HTR2C: variants seen among roughly 807,000 people sequenced by gnomAD.
HTR2C encodes 5-hydroxytryptamine receptor 2C, also known as 5-hydroxytryptamine (serotonin) receptor 2C, G protein-coupled.
Under a neutral mutation model 21.0 loss-of-function variants are expected in HTR2C, and 5 were observed. The ratio of observed to expected loss-of-function variants is 0.24; its 90% confidence interval spans 0.12 to 0.50. The LOEUF (loss-of-function observed/expected upper bound fraction) is 0.50. Among genes scored for constraint, HTR2C ranks in the 20% least tolerant of loss-of-function variants. The pLI is 0.98. For synonymous variants in HTR2C, 150 were observed against 145.3 expected, an observed-to-expected ratio of 1.03 and a Z score of -0.23; for missense variants, 271 against 371.2, an observed-to-expected ratio of 0.73 and a Z score of 2.22.
intron 2 of HTR2C, among the ~76,000 whole-genome samples, chrX:114,695,324 T>A (rs12390106): frequency 0.012 from 1,320 of 112,146 alleles, 14 homozygotes; most frequent in African/African-American, 0.04. Context: ...AGATTCAGAC[T>A]TTTTAGCTAA....
chrX:114,638,686 C>A (rs1453413547), intron 2 of HTR2C, among the ~76,000 whole-genome samples: 7 of 73,267 alleles, frequency 9.6e-5, no homozygotes, highest in Admixed American at 3.6e-4. Flanking sequence ...TCCCCCCACC[C>A]CACCACAGTC....
chrX:114,653,568 A>G (rs1168546818), intron 2 of HTR2C, among the ~76,000 whole-genome samples: 1 of 110,425 alleles, frequency 9.1e-6, no homozygotes, highest in Non-Finnish European at 1.9e-5. Flanking sequence ...CTTTTCATGC[A>G]ACTTGCTTCT....
chrX:114,838,927 G>T (rs1556464814), intron 4 of HTR2C, among the ~76,000 whole-genome samples: 1 of 112,105 alleles, frequency 8.9e-6, no homozygotes, highest in Non-Finnish European at 1.9e-5. Context: ...GGATATACTT[G>T]TGCATTTGAA....
chrX:114,614,033 ATAT>A (rs1928852082), intron 2 of HTR2C, among the ~76,000 whole-genome samples, 152 bp downstream of exon 2: 1 of 110,747 alleles, frequency 9.0e-6, no homozygotes, highest in Admixed American at 9.6e-5. Context: ...TTGAAAAAGA[ATAT>A]TATGTAATTG....
chrX:114,600,021 T>C (rs782308647), intron 1 of HTR2C, among the ~76,000 whole-genome samples: 1 of 111,847 alleles, frequency 8.9e-6, no homozygotes, highest in African/African-American at 3.2e-5. Context: ...TCACGGACAC[T>C]TCTAATGAAA....
At chrX:114,744,674 G>C (rs1254697717) in intron 4 of HTR2C, among the ~76,000 whole-genome samples, 1 of 110,160 alleles carries the variant, frequency 9.1e-6, no homozygotes, top group Non-Finnish European at 1.9e-5. Flanking sequence ...GGATGGTCTC[G>C]ATCTCCTGAC....
At chrX:114,672,656 T>G (rs1260800696) in intron 2 of HTR2C, among the ~76,000 whole-genome samples, 1 of 111,898 alleles carries the variant, frequency 8.9e-6, no homozygotes, top group African/African-American at 3.2e-5. Context: ...TAGCTATAGC[T>G]AATTCTCCAT....
At chrX:114,594,251 AT>A (rs1251096205) in intron 1 of HTR2C, among the ~76,000 whole-genome samples, 2 of 111,648 alleles carry the variant, frequency 1.8e-5, no homozygotes, top group Admixed American at 1.9e-4. Context: ...ATATAAAAAA[AT>A]GAACTTCCTT....
rs371347099 is a variant in HTR2C at position 114,731,439 on chromosome X, G to A, written c.181G>A (p.Val61Ile). The A allele has an allele frequency of 7.9e-5, 95 of 1,208,158 alleles. No homozygotes were observed. The highest frequency in any genetic ancestry group is 4.8e-4 in the Admixed American group (22 of 45,512). The stretch of plus-strand genomic sequence containing the variant: ...ACAAAACTGGCCAGCACTTTCAATC[G>A]TCATCATAATAATCATGACAATAGG... ...GVQNWPALSI[V>I]IIIIMTIGGN... Residue 61 changes from valine (V) to isoleucine (I), a missense_variant, in exon 4 of 6, where the codon GTC (valine) becomes ATC (isoleucine). This residue lies in a region of HTR2C where 57 missense variants were observed against 64.0 expected (regional missense o/e 0.89). Transcript: ENST00000276198.
At chrX:114,829,365 G>C (rs1160973041) in intron 4 of HTR2C, among the ~76,000 whole-genome samples, 1 of 111,345 alleles carries the variant, frequency 9.0e-6, no homozygotes, top group African/African-American at 3.3e-5. Context: ...TATCTCATTT[G>C]GAGAAATGTC....
intron 2 of HTR2C, among the ~76,000 whole-genome samples, chrX:114,684,602 T>G (rs1302074146): frequency 9.0e-6 from 1 of 111,431 alleles, no homozygotes; most frequent in Non-Finnish European, 1.9e-5. Context: ...GGAGATATTT[T>G]TCTAAGGAAA....
intron 3 of HTR2C, among the ~76,000 whole-genome samples, chrX:114,727,649 A>G (rs1164782316): frequency 8.9e-6 from 1 of 112,019 alleles, no homozygotes; most frequent in African/African-American, 3.2e-5. Context: ...GTAAACTCTG[A>G]TTGGTATAGT....
At chrX:114,852,849 G>A (rs1322263363) in intron 5 of HTR2C, among the ~76,000 whole-genome samples, 3 of 109,696 alleles carry the variant, frequency 2.7e-5, no homozygotes, top group Non-Finnish European at 3.8e-5. Context: ...GTGCGCGCGC[G>A]CGTGCATGTG....
intron 5 of HTR2C, among the ~76,000 whole-genome samples, chrX:114,896,300 A>G (rs1556484085): frequency 8.9e-6 from 1 of 112,486 alleles, no homozygotes; most frequent in East Asian, 2.8e-4. Context: ...TTATCTTGAT[A>G]AGCATTCCAT....
At position 114,908,917 on chromosome X, in the gene HTR2C, A is replaced by C; in HGVS notation, c.*1502A>C. 1 of 112,725 alleles carries C rather than the reference A, an allele frequency of 8.9e-6. No individual in the cohort carries two copies. The highest frequency in any genetic ancestry group is 1.9e-5 in the Non-Finnish European group (1 of 53,303). The allele number at this position is 112,725 out of a possible 1,213,427, so 9.3% of individuals were successfully genotyped here. A position where few individuals can be genotyped will look rare whatever the true frequency, so the allele number is the denominator to read the frequency against. On this transcript the variant is annotated 3_prime_UTR_variant, in exon 6 of 6. Coordinates refer to ENST00000276198, the MANE Select transcript of HTR2C (RefSeq NM_000868.4). ...TGCCCATTTCACACAACTGTGGATA[A>C]ATTTTGGAAGAATTCATGATGCTAG...
At chrX:114,900,515 A>G in intron 5 of HTR2C, 1 of 117,950 alleles carries the variant, frequency 8.5e-6, no homozygotes. Flanking sequence ...GTCAACACAC[A>G]TGGGTTTGCC....
At chrX:114,833,803 T>G (rs1348413596) in intron 4 of HTR2C, among the ~76,000 whole-genome samples, 6 of 111,202 alleles carry the variant, frequency 5.4e-5, no homozygotes, top group Admixed American at 3.8e-4. Context: ...AGGGTGTCAA[T>G]TTTGGATCTT....
intron 1 of HTR2C, chrX:114,589,771 T>A: frequency 3.4e-6 from 1 of 291,663 alleles, no homozygotes; most frequent in Non-Finnish European, 6.4e-6. Context: ...GTGGGCAGAC[T>A]AAGCCAATTT....
At chrX:114,795,699 G>C (rs1392176293) in intron 4 of HTR2C, among the ~76,000 whole-genome samples, 2 of 111,247 alleles carry the variant, frequency 1.8e-5, no homozygotes, top group Non-Finnish European at 3.8e-5. Context: ...ATTTCTGAGG[G>C]CTCTGTTCTG....
Sources: allele counts gnomAD v4.1 joint callset (sites outside exome capture counted in the v4.1 genomes callset), GRCh38; gene constraint gnomAD v4.1.1; regional missense constraint gnomAD v4.1.1; transcripts MANE v1.5; gene names NCBI Gene and HGNC (gene_info 2026-07-23, HGNC 2026-07-21).